Variants in YWHAE observed in about 807,000 individuals in gnomAD.
YWHAE encodes the protein 14-3-3 protein epsilon.
YWHAE carries 4 observed loss-of-function variants against 30.1 expected under a neutral mutation model. The observed-to-expected ratio is 0.13, with a 90% CI of 0.07 to 0.30. The LOEUF (loss-of-function observed/expected upper bound fraction) is 0.30, where lower values mean the gene tolerates loss of function less well. YWHAE is among the 10% of genes least tolerant of loss of function. The pLI is 1.00. For synonymous variants in YWHAE, 118 were observed against 111.8 expected (o/e 1.06, Z -0.35); for missense variants, 121 against 315.9 (o/e 0.38, Z 4.68).
chr17:1,368,029 T>G (rs1050231896), intron 1 of YWHAE, among the ~76,000 whole-genome samples: 2 of 152,100 alleles, frequency 1.3e-5, no homozygotes, highest in Non-Finnish European at 2.9e-5. Context: ...GGCAGGTGGA[T>G]CACCTGAGGT....
At chr17:1,371,075 TGA>T (rs1350934878) in intron 1 of YWHAE, among the ~76,000 whole-genome samples, 7 of 151,792 alleles carry the variant, frequency 4.6e-5, no homozygotes, top group African/African-American at 7.3e-5. Context: ...GTACTGTGTG[TGA>T]GTGTGTGGTA....
At chr17:1,345,567 A>C (rs1276388464) in intron 5 of YWHAE, 68 bp from the exon 6 acceptor site, 7 of 1,522,326 alleles carry the variant, frequency 4.6e-6, no homozygotes, top group Non-Finnish European at 6.3e-6. Flanking sequence ...CCACAAACAA[A>C]GGTGTCATTC....
intron 1 of YWHAE, among the ~76,000 whole-genome samples, chr17:1,387,602 A>T (rs184580020): frequency 1.4e-3 from 216 of 151,240 alleles, no homozygotes; most frequent in African/African-American, 5.0e-3. Context: ...AGTGGTTGAG[A>T]GTGTTAAGCA....
At chr17:1,374,879 G>A (rs1270602655) in intron 1 of YWHAE, among the ~76,000 whole-genome samples, 1 of 152,040 alleles carries the variant, frequency 6.6e-6, no homozygotes, top group Non-Finnish European at 1.5e-5. Context: ...GCAGATTAAG[G>A]AACAGAAGTA....
chr17:1,370,321 CG>C (rs1281468299), intron 1 of YWHAE, among the ~76,000 whole-genome samples: 4 of 151,542 alleles, frequency 2.6e-5, no homozygotes, highest in South Asian at 4.2e-4. Context: ...TTAGTAGAGG[CG>C]GGGTTTCACC....
intron 1 of YWHAE, among the ~76,000 whole-genome samples, chr17:1,378,984 A>G (rs1220593887): frequency 6.6e-6 from 1 of 152,052 alleles, no homozygotes; most frequent in Non-Finnish European, 1.5e-5. Context: ...TATGATCCCC[A>G]AGAAAGTTAC....
chr17:1,355,687 G>A (rs1246878708), intron 4 of YWHAE, among the ~76,000 whole-genome samples: 1 of 152,056 alleles, frequency 6.6e-6, no homozygotes, highest in African/African-American at 2.4e-5. Flanking sequence ...CATAATCTAA[G>A]TCCACATCAA....
chr17:1,387,595 G>A (rs945773455), intron 1 of YWHAE, among the ~76,000 whole-genome samples: 11 of 151,966 alleles, frequency 7.2e-5, no homozygotes, highest in African/African-American at 2.4e-4. Flanking sequence ...TTTCTCAAGT[G>A]GTTGAGAGTG....
chr17:1,368,935 G>C (rs1039500086), intron 1 of YWHAE, among the ~76,000 whole-genome samples: 12 of 152,086 alleles, frequency 7.9e-5, no homozygotes, highest in African/African-American at 2.9e-4. Context: ...TACATATCTC[G>C]AATATCATTC....
intron 2 of YWHAE, among the ~76,000 whole-genome samples, chr17:1,362,255 A>G (rs2072876041): frequency 1.3e-5 from 2 of 152,058 alleles, no homozygotes; most frequent in South Asian, 4.1e-4. Flanking sequence ...CACACACGCC[A>G]GCCCCCACAC....
At chr17:1,353,254 C>T (rs1330610267) in intron 5 of YWHAE, among the ~76,000 whole-genome samples, 1 of 151,646 alleles carries the variant, frequency 6.6e-6, no homozygotes, top group Non-Finnish European at 1.5e-5. Flanking sequence ...CTGGCTAACA[C>T]AGTGAAACTC....
At chr17:1,389,457 A>G (rs1384332911) in intron 1 of YWHAE, among the ~76,000 whole-genome samples, 2 of 152,194 alleles carry the variant, frequency 1.3e-5, no homozygotes, top group Non-Finnish European at 2.9e-5. Flanking sequence ...AAAATTGGTC[A>G]TAGCTAACAC....
chr17:1,365,792 T>C (rs2072932728), intron 1 of YWHAE, among the ~76,000 whole-genome samples: 1 of 152,166 alleles, frequency 6.6e-6, no homozygotes, highest in African/African-American at 2.4e-5. Flanking sequence ...TTACCCACGT[T>C]TCAATCTTTG....
intron 1 of YWHAE, among the ~76,000 whole-genome samples, chr17:1,395,621 C>T (rs923458242): frequency 5.3e-5 from 8 of 151,864 alleles, no homozygotes; most frequent in East Asian, 3.8e-4. Flanking sequence ...TTAACTGAAA[C>T]GGCAATGGAA....
Position 1,347,972 on chromosome 17 carries a change from T to G in YWHAE, c.716-2473A>C, listed in dbSNP as rs1341045595. The G allele has an allele frequency of 3.0e-6, 3 of 1,011,844 alleles. No homozygotes were observed. The African/African-American group carries it at 5.2e-5, about 17-fold the overall frequency. The allele number at this position is 1,011,844 out of a possible 1,614,324, so 62.7% of individuals were successfully genotyped here. On this transcript the variant is annotated intron_variant, in intron 5 of 5. Coordinates refer to ENST00000264335, the MANE Select transcript of YWHAE (RefSeq NM_006761.5). ...ATGAACGTGACTTACAAAGTAGAGT[T>G]TTTAGGAAAGGAAGAGTTGGGTTTT... is the stretch of plus-strand genomic sequence containing the variant.
At chr17:1,370,298 TTTGTG>T (rs1461359496) in intron 1 of YWHAE, among the ~76,000 whole-genome samples, 3 of 151,076 alleles carry the variant, frequency 2.0e-5, no homozygotes, top group Non-Finnish European at 2.9e-5. Context: ...AGTGAATTTT[TTTGTG>T]TGTATTTTTA....
At chr17:1,389,993 G>A (rs897547149) in intron 1 of YWHAE, among the ~76,000 whole-genome samples, 2 of 152,072 alleles carry the variant, frequency 1.3e-5, no homozygotes, top group African/African-American at 4.8e-5. Context: ...ACAAGCGCCT[G>A]CCACCACTTC....
At chr17:1,382,309 A>C (rs368045218) in intron 1 of YWHAE, among the ~76,000 whole-genome samples, 2 of 145,596 alleles carry the variant, frequency 1.4e-5, no homozygotes, top group East Asian at 4.0e-4. Context: ...CGGCCTCCCA[A>C]AGTGCTGGGA....
intron 1 of YWHAE, among the ~76,000 whole-genome samples, chr17:1,397,085 G>C (rs1252063797): frequency 6.6e-6 from 1 of 151,592 alleles, no homozygotes; most frequent in East Asian, 1.9e-4. Context: ...TTTTTGTAGA[G>C]ACAGGGTTTC....
Sources: allele counts gnomAD v4.1 joint callset (sites outside exome capture counted in the v4.1 genomes callset), GRCh38; gene constraint gnomAD v4.1.1; transcripts MANE v1.5; gene names NCBI Gene and HGNC (gene_info 2026-07-23, HGNC 2026-07-21).